OR2K2: variants seen among roughly 807,000 people sequenced by gnomAD.
OR2K2 encodes the protein olfactory receptor 2K2.
OR2K2 carries 7 observed loss-of-function variants against 11.1 expected under a neutral mutation model. That is an observed-to-expected ratio of 0.63 (90% CI 0.36 to 1.19). The LOEUF (loss-of-function observed/expected upper bound fraction) is 1.19. Ranked by LOEUF, OR2K2 falls within the 50% of genes most tolerant of loss-of-function variation. OR2K2 has a pLI of 0.02. For synonymous variants in OR2K2, 152 were observed against 150.8 expected (o/e 1.01, Z -0.06); for missense variants, 391 against 383.4 (o/e 1.02, Z -0.17).
At chr9:111,329,902 CTT>C (rs1207847855) in intron 1 of OR2K2, among the ~76,000 whole-genome samples, 1 of 152,130 alleles carries the variant, frequency 6.6e-6, no homozygotes, top group Non-Finnish European at 1.5e-5. Context: ...TCCACTGAGT[CTT>C]TCCTATTTTC....
In OR2K2 at chr9:111,328,398, A is replaced by G; in HGVS notation, c.36T>C (p.Phe12=). ...QGENFTIWSI[F]FLEGFSQYPG... ...GGTACTGGGAAAATCCCTCCAAGAA[A>G]AAAATGCTCCAAATGGTGAAGTTTT... The change falls in exon 2 of 2, where the codon TTT becomes TTC. Residue 12 remains phenylalanine, a synonymous_variant. Coordinates refer to ENST00000302681, the MANE Select transcript of OR2K2 (RefSeq NM_205859.2). The G allele has an allele frequency of 1.2e-6, 2 of 1,611,572 alleles. No individual in the cohort carries two copies. The highest frequency in any genetic ancestry group is 1.3e-5 in the African/African-American group (1 of 75,046).
Position 111,327,987 on chromosome 9 carries a change from C to G in OR2K2, c.447G>C (p.Trp149Cys). The G allele has an allele frequency of 1.2e-6, 2 of 1,614,140 alleles. No homozygotes were observed. Among genetic ancestry groups the G allele is most frequent in the Non-Finnish European group, 1.7e-6 (2 of 1,180,024 alleles). ...GCAGAGCGGTCAGGCAACCCGTCAC[C>G]CAGGAGACCGTAGCCATCCGTGCAC... ...CVCARMATVS[W>C]VTGCLTALLE... The change falls in exon 2 of 2, where the codon TGG becomes TGC. Residue 149 changes from tryptophan (W) to cysteine (C), a missense_variant. Physicochemically the swap from Trp to Cys is radical, Grantham distance 215. Coordinates refer to ENST00000302681, the MANE Select transcript of OR2K2 (RefSeq NM_205859.2).
At chr9:111,330,001 A>G (rs558767837) in intron 1 of OR2K2, 105 bp downstream of exon 1, 1 of 152,020 alleles carries the variant, frequency 6.6e-6, no homozygotes, top group Non-Finnish European at 1.5e-5. Context: ...ATAATAAAAA[A>G]TTTATTAGAT....
At chr9:111,329,411 T>C (rs1259576510) in intron 1 of OR2K2, among the ~76,000 whole-genome samples, 1 of 152,154 alleles carries the variant, frequency 6.6e-6, no homozygotes, top group Non-Finnish European at 1.5e-5. Context: ...TTAATACTAA[T>C]ACATCCACCG....
rs1462346957 is a variant in OR2K2 at position 111,328,244 on chromosome 9, CAAGGAAT to C, written c.183_189del (p.Phe62GlufsTer20). 1 of 1,614,058 alleles carries C rather than the reference CAAGGAAT, an allele frequency of 6.2e-7. No individual in the cohort carries two copies. Among genetic ancestry groups the C allele is most frequent in the Non-Finnish European group, 8.5e-7 (1 of 1,180,018 alleles). On this transcript the variant is annotated frameshift_variant, in exon 2 of 2. Coordinates refer to ENST00000302681, the MANE Select transcript of OR2K2 (RefSeq NM_205859.2). LOFTEE classifies it high-confidence loss of function. ...CAAATATCCATGAAAGAGAGATTTCCAAGGAATAAGTACATGGGGGTTTTAAGGCGTG... is the reference window on the plus strand; with the variant it reads ...CAAATATCCATGAAAGAGAGATTTCCAAGTACATGGGGGTTTTAAGGCGTG...
Position 111,328,148 on chromosome 9 carries a change from C to T in OR2K2, c.286G>A (p.Gly96Arg), listed in dbSNP as rs1296890773. 1 of 1,614,178 alleles carries T rather than the reference C, an allele frequency of 6.2e-7. No homozygotes were observed. Among genetic ancestry groups the T allele is most frequent in the Admixed American group, 1.7e-5 (1 of 60,026 alleles). ...GACAGATACATCTGTACAGCACACC[C>T]AGAAAAGATAATGGTTTTCTGGGAT... is the stretch of plus-strand genomic sequence containing the variant. ...LSSQKTIIFS[G>R]CAVQMYLSLA... The change falls in exon 2 of 2, where the codon GGG becomes AGG. Residue 96 changes from glycine (G) to arginine (R), a missense_variant. By Grantham distance (125) the Gly-to-Arg change is moderately radical (BLOSUM62 -2). Coordinates refer to ENST00000302681, the MANE Select transcript of OR2K2 (RefSeq NM_205859.2).
intron 1 of OR2K2, among the ~76,000 whole-genome samples, chr9:111,329,333 A>G (rs972516117): frequency 7.9e-5 from 12 of 152,214 alleles, no homozygotes. Context: ...TGCTTGAAGC[A>G]TTGTAGATAC....
In OR2K2 at chr9:111,327,415, A is replaced by G; in HGVS notation, c.*68T>C. On this transcript the variant is annotated 3_prime_UTR_variant, in exon 2 of 2. Transcript: ENST00000302681. ...TCCGATCAGAGTTCTAAGAGGTTGT[A>G]TGTTGTCTCGAATTTCTCTGATGAG... The G allele has an allele frequency of 1.0e-6, 1 of 990,736 alleles. No individual in the cohort carries two copies. The highest frequency in any genetic ancestry group is 2.4e-5 in the East Asian group (1 of 41,872). 61.4% of individuals were successfully genotyped at this position (990,736 alleles called of 1,614,324 possible). A position where few individuals can be genotyped will look rare whatever the true frequency, so the allele number is the denominator to read the frequency against.
rs1228109149 is a variant in OR2K2, at chr9:111,328,229, TGAAA to T, written c.201_204del (p.Phe68TrpfsTer15). ...GAGGCAGATGTGTAACAAATATCCA[TGAAA>T]GAGAGATTTCCAAGGAATAAGTACA... is the stretch of plus-strand genomic sequence containing the variant. On this transcript the variant is annotated frameshift_variant, in exon 2 of 2. Coordinates refer to ENST00000302681, the MANE Select transcript of OR2K2 (RefSeq NM_205859.2). LOFTEE classifies it high-confidence loss of function. 3 of 1,613,968 alleles carry T rather than the reference TGAAA, an allele frequency of 1.9e-6. No homozygotes were observed. The highest frequency in any genetic ancestry group is 2.5e-6 in the Non-Finnish European group (3 of 1,180,022).
chr9:111,327,588 AG>A lies in OR2K2; in HGVS notation c.845del (p.Pro282LeufsTer3). ...AACTGTAAATTATGGGGTTCAACAT[AG>A]GGGTAAGCACTCCGTAAAGCAACGA... ...IISLLYGVLT[P>X]MLNPIIYSLR... On this transcript the variant is annotated frameshift_variant, in exon 2 of 2. Coordinates refer to ENST00000302681, the MANE Select transcript of OR2K2 (RefSeq NM_205859.2). LOFTEE classifies it high-confidence loss of function. The A allele has an allele frequency of 6.2e-7, 1 of 1,614,068 alleles. No homozygotes were observed. Among genetic ancestry groups the A allele is most frequent in the Non-Finnish European group, 8.5e-7 (1 of 1,179,938 alleles).
Position 111,330,134 on chromosome 9 carries a change from T to A in OR2K2, c.-78A>T, listed in dbSNP as rs1441709442. The A allele has an allele frequency of 6.6e-6, 1 of 152,206 alleles. No individual in the cohort carries two copies. The highest frequency in any genetic ancestry group is 1.5e-5 in the Non-Finnish European group (1 of 68,036). The allele number at this position is 152,206 out of a possible 1,614,324, so 9.4% of individuals were successfully genotyped here. On this transcript the variant is annotated 5_prime_UTR_variant, in exon 1 of 2. Coordinates refer to ENST00000302681, the MANE Select transcript of OR2K2 (RefSeq NM_205859.2). ...AGATTTGATATTCAAAAGTATTTAA[T>A]AGTAGCCAAGAAGAATTGGTCCTCC...
At position 111,327,705 on chromosome 9, in the gene OR2K2, A is replaced by T; in HGVS notation, c.729T>A (p.His243Gln). 6.2e-7 allele frequency: 1 copy of T among 1,614,176 alleles called. No homozygotes were observed. The highest frequency in any genetic ancestry group is 8.5e-7 in the Non-Finnish European group (1 of 1,180,010). Reference protein sequence around the residue: ...RNKAFSTCGAHLTVVILYYGA... With the variant: ...RNKAFSTCGAQLTVVILYYGA... ...CATAATACAAAATCACCACAGTCAAATGGGCACCACAGGTAGAAAAAGCCT... is the reference window on the plus strand; with the variant it reads ...CATAATACAAAATCACCACAGTCAATTGGGCACCACAGGTAGAAAAAGCCT... Residue 243 changes from histidine to glutamine, a missense_variant, in exon 2 of 2, where the codon CAT (histidine) becomes CAA (glutamine). His to Gln is a conservative substitution (Grantham distance 24). Transcript: ENST00000302681.
In OR2K2 at chr9:111,327,875, C is replaced by T. The variant is rs1450922460; in HGVS notation, c.559G>A (p.Ala187Thr). Residue 187 changes from alanine (A) to threonine (T), a missense_variant, in exon 2 of 2, where the codon GCT (alanine) becomes ACT (threonine). Coordinates refer to ENST00000302681, the MANE Select transcript of OR2K2 (RefSeq NM_205859.2). ...TCEILAVLKL[A>T]CTSSLLMNTI... The stretch of plus-strand genomic sequence containing the variant: ...TTCATGAGCAGTGAACTTGTGCAAG[C>T]TAACTTTAGCACCGCCAGAATTTCA... The T allele has an allele frequency of 6.2e-7, 1 of 1,614,154 alleles. No homozygotes were observed. The highest frequency in any genetic ancestry group is 8.5e-7 in the Non-Finnish European group (1 of 1,180,022).
chr9:111,328,419 G>A lies in OR2K2; in HGVS notation c.15C>T (p.Asn5=). 1 of 1,606,534 alleles carries A rather than the reference G, an allele frequency of 6.2e-7. No homozygotes were observed. Among genetic ancestry groups the A allele is most frequent in the Non-Finnish European group, 8.5e-7 (1 of 1,178,054 alleles). ...AGAAAAAAATGCTCCAAATGGTGAA[G>A]TTTTCTCCTTGCATTTTCTTTCTTT... MQGE[N]FTIWSIFFLE... Residue 5 remains asparagine, a synonymous_variant, in exon 2 of 2, where the codon AAC becomes AAT. Coordinates refer to ENST00000302681, the MANE Select transcript of OR2K2 (RefSeq NM_205859.2).
At position 111,328,077 on chromosome 9, in the gene OR2K2, T is replaced by TA. The variant is rs2098101788; in HGVS notation, c.356_357insT (p.Tyr120IlefsTer2). The TA allele has an allele frequency of 1.2e-6, 2 of 1,614,198 alleles. No homozygotes were observed. The highest frequency in any genetic ancestry group is 1.7e-6 in the Non-Finnish European group (2 of 1,180,032). The stretch of plus-strand genomic sequence containing the variant: ...TACAAATGGCCACATAACGGTCATA[T>TA]GCCATCACGGCCAGGAGCACACACT... On this transcript the variant is annotated frameshift_variant, in exon 2 of 2. Transcript: ENST00000302681. LOFTEE classifies it high-confidence loss of function.
In OR2K2 at chr9:111,329,292, G is replaced by C. The variant is rs370870246; in HGVS notation, c.-49-810C>G. Among the ~76,000 whole-genome samples, 8 of 152,242 alleles carry C rather than the reference G, an allele frequency of 5.3e-5. No homozygotes were observed. The South Asian group carries it at 1.0e-3, about 20-fold the overall frequency. On this transcript the variant is annotated intron_variant, in intron 1 of 1. Coordinates refer to ENST00000302681, the MANE Select transcript of OR2K2 (RefSeq NM_205859.2). Reference sequence around the variant, plus strand: ...CCCTTTCCAGCTAACAGTTTGGGGGGGCTGTACACTGGTTTCAAAAAGGAC... The same window carrying C: ...CCCTTTCCAGCTAACAGTTTGGGGGCGCTGTACACTGGTTTCAAAAAGGAC...
rs148239897 is a variant in OR2K2, at chr9:111,330,212, T to G, written c.-156A>C. 2.0e-5 allele frequency: 3 copies of G among 152,282 alleles called. No individual in the cohort carries two copies. Among genetic ancestry groups the G allele is most frequent in the African/African-American group, 7.2e-5 (3 of 41,552 alleles). 9.4% of individuals were successfully genotyped at this position (152,282 alleles called of 1,614,324 possible). ...AATAAAACGTTGTTTTATGATGCAC[T>G]TCATAAAGTTAACTACGTCCAAGAA... On this transcript the variant is annotated 5_prime_UTR_variant, in exon 1 of 2. Transcript: ENST00000302681.
chr9:111,329,896 C>T (rs1452134339), intron 1 of OR2K2, among the ~76,000 whole-genome samples: 1 of 152,300 alleles, frequency 6.6e-6, no homozygotes, highest in East Asian at 1.9e-4. Flanking sequence ...TCTTTCTCCA[C>T]TGAGTCTTTC....
In OR2K2 at chr9:111,327,493, T is replaced by C; in HGVS notation, c.941A>G (p.Glu314Gly). 6.3e-7 allele frequency: 1 copy of C among 1,598,818 alleles called. No individual in the cohort carries two copies. Among genetic ancestry groups the C allele is most frequent in the South Asian group, 1.1e-5 (1 of 88,058 alleles). Residue 314 changes from glutamate to glycine, a missense_variant, in exon 2 of 2, where the codon GAA (glutamate) becomes GGA (glycine). Physicochemically the swap from Glu to Gly is moderately conservative, Grantham distance 98. Transcript: ENST00000302681. ...ACCATAGGGACCCAATCAGAGATGT[T>C]CGTGTGTTTGATGCAATGTTATTTT... Reference protein sequence around the residue: ...LGKITLHQTHEHL With the variant: ...LGKITLHQTHGHL
Sources: gnomAD v4.1 joint callset for allele counts (sites outside exome capture counted in the v4.1 genomes callset) on GRCh38, gnomAD v4.1.1 for gene constraint, MANE v1.5 for transcripts, NCBI Gene and HGNC (gene_info 2026-07-23, HGNC 2026-07-21) for gene names.